The following GFAP variants were observed in gnomAD, a reference collection of about 807,000 sequenced individuals.
The protein encoded by GFAP is glial fibrillary acidic protein, also known as intermediate filament protein.
GFAP carries 38 observed loss-of-function variants against 49.3 expected under a neutral mutation model. The observed-to-expected ratio is 0.77, with a 90% CI of 0.60 to 1.01. GFAP has a LOEUF of 1.01. GFAP is among the 50% of genes least tolerant of loss of function. The probability of loss-of-function intolerance (pLI) is 0.00; values close to 1 mark genes in which losing one functional copy is unlikely to be tolerated. For missense variants in GFAP, 463 were observed against 579.1 expected, an observed-to-expected ratio of 0.80 and a Z score of 2.06; for synonymous variants, 222 against 236.4, an observed-to-expected ratio of 0.94 and a Z score of 0.56.
intron 7 of GFAP, chr17:44,909,721 C>T (rs966150685): frequency 1.2e-5 from 12 of 992,798 alleles, no homozygotes; most frequent in East Asian, 1.1e-4. Flanking sequence ...GCAAGAGCTG[C>T]GGTCCTGAGG....
At position 44,904,623 on chromosome 17, in the gene GFAP, G is replaced by T; in HGVS notation, c.*2724C>A. Reference sequence around the variant, plus strand: ...ATTAACTATGTGTCCAAAGTGGGCAGCCGGCCCTGGGTGCCCCAGGTGCCC... The same window carrying T: ...ATTAACTATGTGTCCAAAGTGGGCATCCGGCCCTGGGTGCCCCAGGTGCCC... On this transcript the variant is annotated 3_prime_UTR_variant, in exon 9 of 9. Transcript: ENST00000588735. The T allele has an allele frequency of 6.4e-7, 1 of 1,550,566 alleles. No homozygotes were observed. The highest frequency in any genetic ancestry group is 2.4e-5 in the East Asian group (1 of 40,928).
At position 44,910,141 on chromosome 17, in the gene GFAP, C is replaced by T. The variant is rs370385098; in HGVS notation, c.1171+474G>A. The T allele has an allele frequency of 7.3e-5, 118 of 1,613,938 alleles. No homozygotes were observed. Among genetic ancestry groups the T allele is most frequent in the Non-Finnish European group, 7.3e-5 (86 of 1,179,844 alleles). Reference sequence around the variant, plus strand: ...CGTGTCTGAGAGGCAGGCAGCTAACCGCGAGCCGGCGGCGTTCCATTTACA... The same window carrying T: ...CGTGTCTGAGAGGCAGGCAGCTAACTGCGAGCCGGCGGCGTTCCATTTACA... On this transcript the variant is annotated intron_variant, in intron 7 of 8. Coordinates refer to ENST00000588735, the MANE Select transcript of GFAP (RefSeq NM_002055.5).
intron 7 of GFAP, chr17:44,909,934 A>C: frequency 1.4e-6 from 2 of 1,427,318 alleles, no homozygotes; most frequent in South Asian, 1.5e-5. Context: ...CACCTTTACC[A>C]CTAACAAGCT....
chr17:44,907,482 C>T, intron 8 of GFAP, 94 bp from the exon 9 acceptor site: 2 of 859,618 alleles, frequency 2.3e-6, no homozygotes, highest in Non-Finnish European at 2.0e-6. Flanking sequence ...TTGGGAAGTC[C>T]CCGACTTCCC....
In GFAP at chr17:44,914,022, C is replaced by A; in HGVS notation, c.522+6G>T. On this transcript the variant is annotated splice_donor_region_variant and intron_variant, in intron 2 of 8. Coordinates refer to ENST00000588735, the MANE Select transcript of GFAP (RefSeq NM_002055.5). ...CTCCCCTGCCCCTCCCCTCCACCTC[C>A]CTGACCTGTCTATAGGCAGCCAGGT... 1 of 1,555,526 alleles carries A rather than the reference C, an allele frequency of 6.4e-7. No individual in the cohort carries two copies.
rs773164745 is a variant in GFAP at position 44,915,418 on chromosome 17, C to G, written c.69G>C (p.Gly23=). Reference sequence around the variant, plus strand: ...CCAGACGGCGGCCAGGAGCCAGGCCCCCCACCATCATCTCCCCTGAGGAGA... The same window carrying G: ...CCAGACGGCGGCCAGGAGCCAGGCCGCCCACCATCATCTCCCCTGAGGAGA... The part of the protein sequence containing the change: ...SYVSSGEMMV[G]GLAPGRRLGP... The change falls in exon 1 of 9, where the codon GGG becomes GGC. Residue 23 remains glycine (G), a synonymous_variant. Transcript: ENST00000588735. This position sits in a 1 kb window ranked among gnomAD's most constrained non-coding sequence, Gnocchi z 4.1. 15 of 1,608,068 alleles carry G rather than the reference C, an allele frequency of 9.3e-6. No individual in the cohort carries two copies. Among genetic ancestry groups the G allele is most frequent in the Admixed American group, 1.7e-5 (1 of 59,676 alleles).
Position 44,915,430 on chromosome 17 carries a change from C to A in GFAP, c.57G>T (p.Glu19Asp). 6.2e-7 allele frequency: 1 copy of A among 1,609,018 alleles called. No individual in the cohort carries two copies. The highest frequency in any genetic ancestry group is 8.5e-7 in the Non-Finnish European group (1 of 1,177,514). Reference sequence around the variant, plus strand: ...CAGGAGCCAGGCCCCCCACCATCATCTCCCCTGAGGAGACGTAGGAGCGGC... The same window carrying A: ...CAGGAGCCAGGCCCCCCACCATCATATCCCCTGAGGAGACGTAGGAGCGGC... ...AARRSYVSSG[E>D]MMVGGLAPGR... Residue 19 changes from glutamate (E) to aspartate (D), a missense_variant, in exon 1 of 9, where the codon GAG (glutamate) becomes GAT (aspartate). Glu to Asp is a conservative substitution (Grantham distance 45). Around this residue, in one of 3 missense-constraint regions of GFAP, gnomAD observed 89 missense variants for 87.5 expected, o/e 1.02. Coordinates refer to ENST00000588735, the MANE Select transcript of GFAP (RefSeq NM_002055.5). This position sits in a 1 kb window ranked among gnomAD's most constrained non-coding sequence, Gnocchi z 4.1.
rs2051767985 is a variant in GFAP, at chr17:44,911,560, G to A, written c.907-104C>T. The A allele has an allele frequency of 1.9e-6, 3 of 1,568,598 alleles. No homozygotes were observed. In the East Asian group the frequency reaches 6.8e-5, roughly 35 times the overall value. ...GCCCCGCCTCTAGCCCGGGGGTAAC[G>A]TTCAGGCCCCGCCCTCGACCCAGGT... On this transcript the variant is annotated intron_variant, in intron 5 of 8. Transcript: ENST00000588735.
rs928609443 is a variant in GFAP at position 44,903,835 on chromosome 17, C to T, written c.*3512G>A. The T allele has an allele frequency of 1.5e-5, 24 of 1,549,578 alleles. No homozygotes were observed. The highest frequency in any genetic ancestry group is 4.9e-5 in the East Asian group (2 of 40,896). The stretch of plus-strand genomic sequence containing the variant: ...GACCCCTGCCTCCTTCAGGTATGCA[C>T]CTGGCCCTCACCACTGTGCTCCTGT... On this transcript the variant is annotated 3_prime_UTR_variant, in exon 9 of 9. Coordinates refer to ENST00000588735, the MANE Select transcript of GFAP (RefSeq NM_002055.5).
chr17:44,907,138 G>T lies in GFAP; in HGVS notation c.*209C>A. 1 of 614,378 alleles carries T rather than the reference G, an allele frequency of 1.6e-6. No homozygotes were observed. The highest frequency in any genetic ancestry group is 2.9e-6 in the Non-Finnish European group (1 of 340,632). The allele number at this position is 614,378 out of a possible 1,614,324, so 38.1% of individuals were successfully genotyped here. Reference sequence around the variant, plus strand: ...GGTGAGTTTCTTGTTAGTTGGAGTTGCTGGGTGCTGGGTGGGTGCCGTCTG... The same window carrying T: ...GGTGAGTTTCTTGTTAGTTGGAGTTTCTGGGTGCTGGGTGGGTGCCGTCTG... On this transcript the variant is annotated 3_prime_UTR_variant, in exon 9 of 9. Transcript: ENST00000588735.
Position 44,904,370 on chromosome 17 carries a change from T to A in GFAP, c.*2977A>T. 6.5e-7 allele frequency: 1 copy of A among 1,543,802 alleles called. No homozygotes were observed. The highest frequency in any genetic ancestry group is 8.8e-7 in the Non-Finnish European group (1 of 1,142,178). ...CTGGGAATGGACCCCCTGTGACCGCTGCGGAGTGCGTGGGGAGCAGTGGCG... is the reference window on the plus strand; with the variant it reads ...CTGGGAATGGACCCCCTGTGACCGCAGCGGAGTGCGTGGGGAGCAGTGGCG... On this transcript the variant is annotated 3_prime_UTR_variant, in exon 9 of 9. Coordinates refer to ENST00000588735, the MANE Select transcript of GFAP (RefSeq NM_002055.5).
Position 44,907,321 on chromosome 17 carries a change from G to T in GFAP, c.*26C>A. 6.2e-7 allele frequency: 1 copy of T among 1,611,148 alleles called. No individual in the cohort carries two copies. The highest frequency in any genetic ancestry group is 8.5e-7 in the Non-Finnish European group (1 of 1,177,366). ...CTGCTCGGGCCCCTCATGAGACGGG[G>T]CAGAGGCCACCAGGTGGGTCCTGCC... On this transcript the variant is annotated 3_prime_UTR_variant, in exon 9 of 9. Coordinates refer to ENST00000588735, the MANE Select transcript of GFAP (RefSeq NM_002055.5).
Position 44,911,403 on chromosome 17 carries a change from C to G in GFAP, c.960G>C (p.Glu320Asp). ...CCAGCGCCTCCTGATAACTGGCCGC[C>G]TCCCGCACGTGCCGCTCCTCCTGCT... Reference protein sequence around the residue: ...MREQEERHVREAASYQEALAR... With the variant: ...MREQEERHVRDAASYQEALAR... The change falls in exon 6 of 9, where the codon GAG (glutamate) becomes GAC (aspartate). Residue 320 changes from glutamate to aspartate, a missense_variant. Coordinates refer to ENST00000588735, the MANE Select transcript of GFAP (RefSeq NM_002055.5). 1 of 1,613,460 alleles carries G rather than the reference C, an allele frequency of 6.2e-7. No individual in the cohort carries two copies. Among genetic ancestry groups the G allele is most frequent in the African/African-American group, 1.3e-5 (1 of 75,068 alleles).
chr17:44,904,547 T>C lies in GFAP; in HGVS notation c.*2800A>G. On this transcript the variant is annotated 3_prime_UTR_variant, in exon 9 of 9. Coordinates refer to ENST00000588735, the MANE Select transcript of GFAP (RefSeq NM_002055.5). ...GCCTGAGGTGCTGGTTCGGAGCTGC[T>C]TAGTACCCTGTGAGAAGACAAAGAC... 1 of 1,550,580 alleles carries C rather than the reference T, an allele frequency of 6.4e-7. No individual in the cohort carries two copies. The highest frequency in any genetic ancestry group is 8.7e-7 in the Non-Finnish European group (1 of 1,146,992).
At position 44,907,313 on chromosome 17, in the gene GFAP, G is replaced by C; in HGVS notation, c.*34C>G. ...TCCTGCTTCTGCTCGGGCCCCTCAT[G>C]AGACGGGGCAGAGGCCACCAGGTGG... On this transcript the variant is annotated 3_prime_UTR_variant, in exon 9 of 9. Transcript: ENST00000588735. 2 of 1,606,100 alleles carry C rather than the reference G, an allele frequency of 1.2e-6. No individual in the cohort carries two copies. Among genetic ancestry groups the C allele is most frequent in the Non-Finnish European group, 1.7e-6 (2 of 1,172,790 alleles).
At chr17:44,908,218 C>G (rs2051684347) in intron 7 of GFAP, 69 bp from the exon 8 acceptor site, 1 of 1,074,882 alleles carries the variant, frequency 9.3e-7, no homozygotes. Context: ...CCATGCCCGG[C>G]TTCCCCATCG....
intron 1 of GFAP, chr17:44,914,670 C>T: frequency 9.6e-6 from 3 of 311,856 alleles, no homozygotes; most frequent in Non-Finnish European, 1.8e-5. Context: ...GCTTCCAACT[C>T]CTCCTTTATA....
rs1456837755 is a variant in GFAP at position 44,914,041 on chromosome 17, G to A, written c.509C>T (p.Ala170Val). 1 of 1,559,106 alleles carries A rather than the reference G, an allele frequency of 6.4e-7. No individual in the cohort carries two copies. The highest frequency in any genetic ancestry group is 8.7e-7 in the Non-Finnish European group (1 of 1,150,616). ...CACCTCCCTGACCTGTCTATAGGCA[G>A]CCAGGTTGTTCTCGGCTTCCAGCCT... Reference protein sequence around the residue: ...NLRLEAENNLAAYRQEADEAT... With the variant: ...NLRLEAENNLVAYRQEADEAT... Residue 170 changes from alanine to valine, a missense_variant, in exon 2 of 9, where the codon GCT becomes GTT. Ala to Val is a moderately conservative substitution (Grantham distance 64). Around this residue, in one of 3 missense-constraint regions of GFAP, gnomAD observed 362 missense variants for 445.5 expected, o/e 0.81. Coordinates refer to ENST00000588735, the MANE Select transcript of GFAP (RefSeq NM_002055.5).
chr17:44,910,576 G>C, intron 7 of GFAP, 39 bp downstream of exon 7: 1 of 1,560,310 alleles, frequency 6.4e-7, no homozygotes, highest in Non-Finnish European at 8.7e-7. Flanking sequence ...GAGGGGGCAG[G>C]ACTCCAGTGC....
Sources: allele counts gnomAD v4.1 joint callset, GRCh38; gene constraint gnomAD v4.1.1; regional missense constraint gnomAD v4.1.1; non-coding constraint Gnocchi (gnomAD v3.1); transcripts MANE v1.5; gene names NCBI Gene and HGNC (gene_info 2026-07-23, HGNC 2026-07-21).